NUTM1: variants seen among roughly 807,000 people sequenced by gnomAD.
NUTM1 encodes the protein NUT midline carcinoma family member 1.
Under a neutral mutation model 88.7 loss-of-function variants are expected in NUTM1, and 39 were observed. The observed-to-expected ratio is 0.44, with a 90% CI of 0.34 to 0.57. The LOEUF (loss-of-function observed/expected upper bound fraction) is 0.57, where lower values mean the gene tolerates loss of function less well. NUTM1 is among the 20% of genes least tolerant of loss of function. The pLI is 0.01. For synonymous variants in NUTM1, 494 were observed against 538.0 expected (o/e 0.92, Z 1.13); for missense variants, 1,350 against 1,414.5 (o/e 0.95, Z 0.73).
At position 34,346,011 on chromosome 15, in the gene NUTM1, C is replaced by T. The variant is rs1464384696; in HGVS notation, c.76C>T (p.Pro26Ser). The change falls in exon 2 of 8, where the codon CCT becomes TCT. Residue 26 changes from proline to serine, a missense_variant. By Grantham distance (74) the Pro-to-Ser change is moderately conservative. This residue lies in a region of NUTM1 where 399 missense variants were observed against 397.9 expected (regional missense o/e 1.00). Coordinates refer to ENST00000537011, the MANE Select transcript of NUTM1 (RefSeq NM_001284292.2). Reference sequence around the variant, plus strand: ...CAGACAGCCACAGTTAGTGCCCAAACCTGAGAGGATGGCTTCAGATGGAGG... The same window carrying T: ...CAGACAGCCACAGTTAGTGCCCAAATCTGAGAGGATGGCTTCAGATGGAGG... ...ASRQPQLVPK[P>S]ERMASDGASA... 3 of 1,614,062 alleles carry T rather than the reference C, an allele frequency of 1.9e-6. No homozygotes were observed. Among genetic ancestry groups the T allele is most frequent in the Admixed American group, 1.7e-5 (1 of 60,000 alleles).
intron 4 of NUTM1, 74 bp downstream of exon 4, chr15:34,350,906 G>C: frequency 5.1e-6 from 8 of 1,554,502 alleles, no homozygotes; most frequent in African/African-American, 1.4e-5. Flanking sequence ...AGAGAGACTT[G>C]TGTGGGGGTG....
At chr15:34,350,654 G>A in intron 3 of NUTM1, 50 bp from the exon 4 acceptor site, 4 of 1,592,628 alleles carry the variant, frequency 2.5e-6, no homozygotes, top group Non-Finnish European at 3.4e-6. Flanking sequence ...GTCAGGGCAG[G>A]TGGATGGGAG....
rs1890816649 is a variant in NUTM1 at position 34,356,581 on chromosome 15, G to A, written c.2573G>A (p.Gly858Glu). 5 of 1,613,840 alleles carry A rather than the reference G, an allele frequency of 3.1e-6. No homozygotes were observed. Among genetic ancestry groups the A allele is most frequent in the Non-Finnish European group, 4.2e-6 (5 of 1,179,978 alleles). The change falls in exon 8 of 8, where the codon GGG becomes GAG. Residue 858 changes from glycine (G) to glutamate (E), a missense_variant. This residue lies in a region of NUTM1 where 730 missense variants were observed against 728.8 expected (regional missense o/e 1.00). Transcript: ENST00000537011. Reference protein sequence around the residue: ...ENQEQSCETVGHPSDLWAEGC... With the variant: ...ENQEQSCETVEHPSDLWAEGC... ...CAAGAACAGAGCTGTGAAACCGTAG[G>A]GCATCCCAGTGATCTGTGGGCAGAA...
intron 4 of NUTM1, among the ~76,000 whole-genome samples, chr15:34,353,075 C>T (rs1229949552): frequency 4.0e-5 from 6 of 151,584 alleles, no homozygotes; most frequent in Admixed American, 6.6e-5. Flanking sequence ...TTAGTAGAGA[C>T]GGGGTTTCAC....
Position 34,355,587 on chromosome 15 carries a change from G to C in NUTM1, c.1579G>C (p.Val527Leu). The C allele has an allele frequency of 1.2e-6, 2 of 1,614,182 alleles. No individual in the cohort carries two copies. The highest frequency in any genetic ancestry group is 1.7e-6 in the Non-Finnish European group (2 of 1,180,028). ...AQLDSSPSGS[V>L]EDEDGDGRLR... The stretch of plus-strand genomic sequence containing the variant: ...GTTGGACTCAAGTCCTTCTGGTTCT[G>C]TTGAGGATGAAGATGGGGATGGGCG... The change falls in exon 8 of 8, where the codon GTT becomes CTT. Residue 527 changes from valine to leucine, a missense_variant. Around this residue, in one of 5 missense-constraint regions of NUTM1, gnomAD observed 126 missense variants for 189.8 expected, o/e 0.66. Coordinates refer to ENST00000537011, the MANE Select transcript of NUTM1 (RefSeq NM_001284292.2). This position sits in a 1 kb window ranked among gnomAD's most constrained non-coding sequence, Gnocchi z 4.3.
At position 34,350,760 on chromosome 15, in the gene NUTM1, T is replaced by G; in HGVS notation, c.866T>G (p.Leu289Arg). The change falls in exon 4 of 8, where the codon CTG becomes CGG. Residue 289 changes from leucine to arginine, a missense_variant. By Grantham distance (102) the Leu-to-Arg change is moderately radical. Transcript: ENST00000537011. ...CCCACTATGACCCTGGAGGAGGGAC[T>G]GCCATTGGCTGTGCAGGAGTGGGAG... ...LKPTMTLEEG[L>R]PLAVQEWEHT... 1 of 1,613,978 alleles carries G rather than the reference T, an allele frequency of 6.2e-7. No individual in the cohort carries two copies. Among genetic ancestry groups the G allele is most frequent in the Non-Finnish European group, 8.5e-7 (1 of 1,179,960 alleles).
Position 34,355,330 on chromosome 15 carries a change from C to A in NUTM1, c.1480-158C>A, listed in dbSNP as rs1263623750. On this transcript the variant is annotated intron_variant, in intron 7 of 7. Transcript: ENST00000537011. This position sits in a 1 kb window ranked among gnomAD's most constrained non-coding sequence, Gnocchi z 4.3. ...GGGCTCAAAGCATGGGAATAAGGCA[C>A]AAGAAGGTGGGAAAGAGCTGCAGTA... Among the ~76,000 whole-genome samples the A allele has an allele frequency of 1.3e-5, 2 of 152,160 alleles. No homozygotes were observed. Among genetic ancestry groups the A allele is most frequent in the Non-Finnish European group, 2.9e-5 (2 of 68,026 alleles).
At chr15:34,345,623 C>A (rs1237119252) in intron 1 of NUTM1, among the ~76,000 whole-genome samples, 1 of 152,090 alleles carries the variant, frequency 6.6e-6, no homozygotes, top group Non-Finnish European at 1.5e-5. Flanking sequence ...TGGAAGGACA[C>A]AAAATGAGAT....
At chr15:34,344,814 C>A (rs1890556504) in intron 1 of NUTM1, among the ~76,000 whole-genome samples, 1 of 151,962 alleles carries the variant, frequency 6.6e-6, no homozygotes, top group Non-Finnish European at 1.5e-5. Context: ...GTCAGGAGAT[C>A]GAGACTATCC....
At position 34,354,647 on chromosome 15, in the gene NUTM1, A is replaced by G. The variant is rs1566890156; in HGVS notation, c.1277A>G (p.Gln426Arg). ...SDGKQEEEGQ[Q>R]QEEEGMYPDP... ...GGAAAACAAGAGGAAGAAGGGCAGC[A>G]GCAGGAGGAGGAAGGGATGTATCCA... is the stretch of plus-strand genomic sequence containing the variant. The change falls in exon 6 of 8, where the codon CAG (glutamine) becomes CGG (arginine). Residue 426 changes from glutamine (Q) to arginine (R), a missense_variant. Coordinates refer to ENST00000537011, the MANE Select transcript of NUTM1 (RefSeq NM_001284292.2). 18 of 1,614,150 alleles carry G rather than the reference A, an allele frequency of 1.1e-5. No individual in the cohort carries two copies. The highest frequency in any genetic ancestry group is 1.5e-5 in the Non-Finnish European group (18 of 1,179,994).
chr15:34,356,084 A>G lies in NUTM1; in HGVS notation c.2076A>G (p.Thr692=), dbSNP rs761062535. ...TGGGATTGCAGAAAGGACAACAAAC[A>G]GGGGGTCGTGGAGTGCTTCCTCAAG... The part of the protein sequence containing the change: ...QVLGLQKGQQ[T]GGRGVLPQGK... The change falls in exon 8 of 8, where the codon ACA becomes ACG. Residue 692 remains threonine, a synonymous_variant. Transcript: ENST00000537011. The G allele has an allele frequency of 6.2e-6, 10 of 1,613,500 alleles. No individual in the cohort carries two copies. Among genetic ancestry groups the G allele is most frequent in the Admixed American group, 3.3e-5 (2 of 59,986 alleles).
chr15:34,356,064 T>C lies in NUTM1; in HGVS notation c.2056T>C (p.Leu686=). ...AGGGTTAGAAAAGCAAGTCCTGGGA[T>C]TGCAGAAAGGACAACAAACAGGGGG... ...GQGLEKQVLG[L]QKGQQTGGRG... Residue 686 remains leucine (L), a synonymous_variant, in exon 8 of 8, where the codon TTG becomes CTG. Transcript: ENST00000537011. The C allele has an allele frequency of 2.5e-6, 4 of 1,613,984 alleles. No homozygotes were observed. Among genetic ancestry groups the C allele is most frequent in the Admixed American group, 1.7e-5 (1 of 60,004 alleles).
At chr15:34,348,720 A>C in intron 3 of NUTM1, 43 bp downstream of exon 3, 1 of 1,410,720 alleles carries the variant, frequency 7.1e-7, no homozygotes, top group Non-Finnish European at 9.8e-7. Flanking sequence ...GGGCTTTTAA[A>C]TAAGGAGGAC....
chr15:34,351,864 TCTTTG>T, intron 4 of NUTM1, among the ~76,000 whole-genome samples: 1 of 114,966 alleles, frequency 8.7e-6, no homozygotes. Flanking sequence ...CTCTATAATA[TCTTTG>T]ATTAAAAAAA....
At chr15:34,351,017 G>C (rs529178499) in intron 4 of NUTM1, among the ~76,000 whole-genome samples, 185 bp downstream of exon 4, 3 of 151,316 alleles carry the variant, frequency 2.0e-5, no homozygotes, top group African/African-American at 7.3e-5. Flanking sequence ...TCAGGAGTTC[G>C]AGAACAGCCT....
At chr15:34,350,439 T>C (rs1890683682) in intron 3 of NUTM1, among the ~76,000 whole-genome samples, 1 of 152,218 alleles carries the variant, frequency 6.6e-6, no homozygotes, top group African/African-American at 2.4e-5. Context: ...GGGGTGGTAG[T>C]TGCCATTGAT....
chr15:34,351,739 G>T (rs1488647604), intron 4 of NUTM1, among the ~76,000 whole-genome samples: 1 of 152,192 alleles, frequency 6.6e-6, no homozygotes, highest in East Asian at 1.9e-4. Context: ...ATTGGAAATA[G>T]TGGCACAGAA....
Position 34,356,722 on chromosome 15 carries a change from T to C in NUTM1, c.2714T>C (p.Leu905Ser), listed in dbSNP as rs1890820422. Residue 905 changes from leucine to serine, a missense_variant, in exon 8 of 8, where the codon TTG (leucine) becomes TCG (serine). Transcript: ENST00000537011. Reference protein sequence around the residue: ...LIMGTEDASSLPEASQEAGSR... With the variant: ...LIMGTEDASSSPEASQEAGSR... The stretch of plus-strand genomic sequence containing the variant: ...ATGGGGACTGAGGATGCCTCCTCCT[T>C]GCCTGAAGCCAGTCAAGAGGCAGGG... The C allele has an allele frequency of 6.2e-7, 1 of 1,613,410 alleles. No individual in the cohort carries two copies. Among genetic ancestry groups the C allele is most frequent in the Non-Finnish European group, 8.5e-7 (1 of 1,179,936 alleles).
intron 2 of NUTM1, among the ~76,000 whole-genome samples, chr15:34,347,300 G>A (rs1890610996): frequency 6.7e-6 from 1 of 149,452 alleles, no homozygotes; most frequent in African/African-American, 2.5e-5. Flanking sequence ...CTTTGTCACC[G>A]AGGCTGGAGC....
Sources: allele counts gnomAD v4.1 joint callset (sites outside exome capture counted in the v4.1 genomes callset), GRCh38; gene constraint gnomAD v4.1.1; regional missense constraint gnomAD v4.1.1; non-coding constraint Gnocchi (gnomAD v3.1); transcripts MANE v1.5; gene names NCBI Gene and HGNC (gene_info 2026-07-23, HGNC 2026-07-21).